KCNS3: variants seen among roughly 807,000 people sequenced by gnomAD.
The protein encoded by KCNS3 is delayed-rectifier potassium channel regulatory subunit KCNS3.
In KCNS3, 13 loss-of-function variants were observed where a neutral mutation model predicts 31.0. The ratio of observed to expected loss-of-function variants is 0.42; its 90% CI spans 0.27 to 0.67. KCNS3 has a LOEUF of 0.67. Among genes scored for constraint, KCNS3 ranks in the 30% least tolerant of loss-of-function variants. The pLI is 0.25. For missense variants in KCNS3, 545 were observed against 622.4 expected (o/e 0.88, Z 1.32); for synonymous variants, 238 against 241.5 (o/e 0.99, Z 0.13).
rs1662954340 is a variant in KCNS3 at position 17,931,211 on chromosome 2, A to G, written c.203A>G (p.Tyr68Cys). ...DDYSVADKEYYFDRNPSLFRY... is the reference protein window; with the variant it reads ...DDYSVADKEYCFDRNPSLFRY... Reference sequence around the variant, plus strand: ...TACAGTGTGGCCGATAAGGAGTACTACTTTGATCGGAATCCCTCCTTGTTC... The same window carrying G: ...TACAGTGTGGCCGATAAGGAGTACTGCTTTGATCGGAATCCCTCCTTGTTC... Residue 68 changes from tyrosine (Y) to cysteine (C), a missense_variant, in exon 3 of 3, where the codon TAC becomes TGC. Tyr to Cys is a radical substitution (Grantham distance 194). Coordinates refer to ENST00000304101, the MANE Select transcript of KCNS3 (RefSeq NM_002252.5). The surrounding 1 kb of genome is among the most constrained non-coding windows in gnomAD (Gnocchi z 5.4). 8 of 1,613,970 alleles carry G rather than the reference A, an allele frequency of 5.0e-6. No homozygotes were observed. Among genetic ancestry groups the G allele is most frequent in the Non-Finnish European group, 6.8e-6 (8 of 1,180,000 alleles).
chr2:17,913,145 A>G (rs1662512312), intron 1 of KCNS3, among the ~76,000 whole-genome samples: 1 of 130,910 alleles, frequency 7.6e-6, no homozygotes, highest in Non-Finnish European at 1.7e-5. Context: ...TTAATTAAAC[A>G]CTGGGTGACA....
chr2:17,893,231 C>A lies in KCNS3; in HGVS notation c.-252+14425C>A, dbSNP rs1284797995. Reference sequence around the variant, plus strand: ...TGGCAGTCACTGGCCTCACCCAGTTCCCATGCAAACTGAAGGGCCGGTCCC... The same window carrying A: ...TGGCAGTCACTGGCCTCACCCAGTTACCATGCAAACTGAAGGGCCGGTCCC... On this transcript the variant is annotated intron_variant, in intron 1 of 2. Transcript: ENST00000304101. 2.0e-5 allele frequency among the ~76,000 whole-genome samples: 3 copies of A among 152,130 alleles called. No homozygotes were observed. The East Asian group carries it at 5.8e-4, about 29-fold the overall frequency.
intron 1 of KCNS3, among the ~76,000 whole-genome samples, chr2:17,905,302 A>G (rs1174039981): frequency 1.3e-5 from 2 of 152,178 alleles, no homozygotes; most frequent in Admixed American, 6.5e-5. Context: ...ATTTTTGCAC[A>G]TTGATTTTGT....
At position 17,931,293 on chromosome 2, in the gene KCNS3, C is replaced by T. The variant is rs774143002; in HGVS notation, c.285C>T (p.Cys95=). Residue 95 remains cysteine (C), a synonymous_variant, in exon 3 of 3, where the codon TGC becomes TGT. Coordinates refer to ENST00000304101, the MANE Select transcript of KCNS3 (RefSeq NM_002252.5). The surrounding 1 kb of genome is among the most constrained non-coding windows in gnomAD (Gnocchi z 5.4). ...AGCTGCATGTCATGGAGGAGCTGTG[C>T]GTATTCTCATTCTGCCAGGAGATCG... is the stretch of plus-strand genomic sequence containing the variant. The part of the protein sequence containing the change: ...TGKLHVMEEL[C]VFSFCQEIEY... The T allele has an allele frequency of 4.2e-5, 68 of 1,614,004 alleles. No homozygotes were observed. Among genetic ancestry groups the T allele is most frequent in the African/African-American group, 3.3e-4 (25 of 74,914 alleles).
chr2:17,932,001 C>T lies in KCNS3; in HGVS notation c.993C>T (p.Leu331=). The change falls in exon 3 of 3, where the codon CTC becomes CTT. Residue 331 remains leucine, a synonymous_variant. Transcript: ENST00000304101. ...AAGTTGGGCTTCTGCTTCTCTTCCTCTCTGTGGGCATTTCCATTTTCTCTG... is the reference window on the plus strand; with the variant it reads ...AAGTTGGGCTTCTGCTTCTCTTCCTTTCTGTGGGCATTTCCATTTTCTCTG... ...YHEVGLLLLF[L]SVGISIFSVL... is the part of the protein sequence containing the mutation. 2 of 1,614,140 alleles carry T rather than the reference C, an allele frequency of 1.2e-6. No homozygotes were observed. Among genetic ancestry groups the T allele is most frequent in the Non-Finnish European group, 1.7e-6 (2 of 1,180,028 alleles).
intron 2 of KCNS3, among the ~76,000 whole-genome samples, chr2:17,927,716 TC>T (rs1391099871): frequency 1.3e-5 from 2 of 152,090 alleles, no homozygotes; most frequent in Non-Finnish European, 2.9e-5. Flanking sequence ...TCCAATCACC[TC>T]CCACCAGTTC....
intron 1 of KCNS3, among the ~76,000 whole-genome samples, chr2:17,905,122 C>T (rs962363310): frequency 5.3e-4 from 80 of 152,208 alleles, no homozygotes; most frequent in African/African-American, 1.9e-3. Context: ...TGTTTGTATC[C>T]TCTTTTATTT....
At position 17,931,603 on chromosome 2, in the gene KCNS3, A is replaced by T. The variant is rs1277697605; in HGVS notation, c.595A>T (p.Ile199Phe). The change falls in exon 3 of 3, where the codon ATC becomes TTC. Residue 199 changes from isoleucine to phenylalanine, a missense_variant. Physicochemically the swap from Ile to Phe is conservative, Grantham distance 21 (BLOSUM62 0). Transcript: ENST00000304101. The surrounding 1 kb of genome is among the most constrained non-coding windows in gnomAD (Gnocchi z 5.4). The stretch of plus-strand genomic sequence containing the variant: ...CTCCTTGAGCGTGGTGCTGGCCTCC[A>T]TCGTGGCCATGTGCGTTCACAGCAT... ...ISSLSVVLASIVAMCVHSMSE... is the reference protein window; with the variant it reads ...ISSLSVVLASFVAMCVHSMSE... 3 of 1,614,188 alleles carry T rather than the reference A, an allele frequency of 1.9e-6. No individual in the cohort carries two copies. The highest frequency in any genetic ancestry group is 2.2e-5 in the East Asian group (1 of 44,876).
At chr2:17,896,857 T>C (rs746120096) in intron 1 of KCNS3, among the ~76,000 whole-genome samples, 9 of 152,220 alleles carry the variant, frequency 5.9e-5, no homozygotes, top group Non-Finnish European at 1.2e-4. Context: ...TCTCTTCCTC[T>C]ATAAATTATT....
intron 1 of KCNS3, among the ~76,000 whole-genome samples, chr2:17,915,550 T>C (rs2125247751): frequency 6.6e-6 from 1 of 152,298 alleles, no homozygotes; most frequent in East Asian, 1.9e-4. Flanking sequence ...GTTTAACTCC[T>C]GGCTGTGGTG....
At chr2:17,912,582 C>T (rs1662495807) in intron 1 of KCNS3, among the ~76,000 whole-genome samples, 1 of 152,240 alleles carries the variant, frequency 6.6e-6, no homozygotes, top group African/African-American at 2.4e-5. Context: ...CCTGTCTCTC[C>T]TTTCCTTTCT....
At chr2:17,919,007 C>T (rs1662654096) in intron 2 of KCNS3, among the ~76,000 whole-genome samples, 1 of 152,204 alleles carries the variant, frequency 6.6e-6, no homozygotes, top group Admixed American at 6.5e-5. Flanking sequence ...AGGGGCCCCT[C>T]TTGTGGTAAA....
intron 1 of KCNS3, among the ~76,000 whole-genome samples, chr2:17,884,657 G>A (rs1330403999): frequency 1.3e-5 from 2 of 152,076 alleles, no homozygotes; most frequent in Admixed American, 1.3e-4. Context: ...ATGGGTGTAG[G>A]GGCAGGTTTG....
chr2:17,915,391 A>T (rs1375149757), intron 1 of KCNS3, among the ~76,000 whole-genome samples: 2 of 152,120 alleles, frequency 1.3e-5, no homozygotes, highest in Admixed American at 6.6e-5. Flanking sequence ...GAATGGGAGG[A>T]TATGTTGAAT....
At chr2:17,880,691 G>A (rs1054079955) in intron 1 of KCNS3, among the ~76,000 whole-genome samples, 2 of 152,248 alleles carry the variant, frequency 1.3e-5, no homozygotes, top group African/African-American at 4.8e-5. Flanking sequence ...GAGGTCAGAA[G>A]CAGTCTTTGT....
chr2:17,907,443 C>G (rs1004992020), intron 1 of KCNS3, among the ~76,000 whole-genome samples: 1 of 152,182 alleles, frequency 6.6e-6, no homozygotes, highest in African/African-American at 2.4e-5. Flanking sequence ...TTAATTGGAA[C>G]ATTTAGCCCA....
chr2:17,904,273 G>A (rs1402045440), intron 1 of KCNS3, among the ~76,000 whole-genome samples: 1 of 151,964 alleles, frequency 6.6e-6, no homozygotes, highest in Non-Finnish European at 1.5e-5. Context: ...AGAAGTGTCT[G>A]TTCATATCCT....
At position 17,932,179 on chromosome 2, in the gene KCNS3, A is replaced by G. The variant is rs1171623415; in HGVS notation, c.1171A>G (p.Ile391Val). 3 of 1,613,882 alleles carry G rather than the reference A, an allele frequency of 1.9e-6. No individual in the cohort carries two copies. The highest frequency in any genetic ancestry group is 1.7e-6 in the Non-Finnish European group (2 of 1,179,916). The change falls in exon 3 of 3, where the codon ATC becomes GTC. Residue 391 changes from isoleucine to valine, a missense_variant. Ile to Val is a conservative substitution (Grantham distance 29, BLOSUM62 3). Transcript: ENST00000304101. ...LAGKLIASTCIICGILVVALP... is the reference protein window; with the variant it reads ...LAGKLIASTCVICGILVVALP... ...GGGAAAGCTCATCGCCAGCACATGCATCATCTGTGGCATCTTGGTGGTGGC... is the reference window on the plus strand; with the variant it reads ...GGGAAAGCTCATCGCCAGCACATGCGTCATCTGTGGCATCTTGGTGGTGGC...
At chr2:17,879,678 C>G (rs1382950561) in intron 1 of KCNS3, among the ~76,000 whole-genome samples, 1 of 152,238 alleles carries the variant, frequency 6.6e-6, no homozygotes, top group Non-Finnish European at 1.5e-5. Flanking sequence ...TCCTGCACCC[C>G]CAACCCCGCT....
Sources: allele counts gnomAD v4.1 joint callset (sites outside exome capture counted in the v4.1 genomes callset), GRCh38; gene constraint gnomAD v4.1.1; non-coding constraint Gnocchi (gnomAD v3.1); transcripts MANE v1.5; gene names NCBI Gene and HGNC (gene_info 2026-07-23, HGNC 2026-07-21).